Variants in RIT2 observed in about 807,000 individuals in gnomAD.
The protein encoded by RIT2 is GTP-binding protein Rit2.
RIT2 carries 24 observed loss-of-function variants against 23.7 expected under a neutral mutation model. The observed-to-expected ratio is 1.01, with a 90% confidence interval of 0.73 to 1.43. RIT2 has a LOEUF of 1.43. RIT2 is among the 40% of genes most tolerant of loss of function. RIT2 has a pLI of 0.00. For synonymous variants in RIT2, 107 were observed against 91.1 expected (o/e 1.17, Z -0.99); for missense variants, 236 against 266.9 (o/e 0.88, Z 0.81).
At chr18:43,000,479 T>A (rs1911078207) in intron 2 of RIT2, among the ~76,000 whole-genome samples, 1 of 152,032 alleles carries the variant, frequency 6.6e-6, no homozygotes, top group Admixed American at 6.6e-5. Flanking sequence ...ATGGACAGGA[T>A]GAAGAGATTT....
At chr18:42,810,212 G>C (rs1011243719) in intron 4 of RIT2, among the ~76,000 whole-genome samples, 18 of 151,148 alleles carry the variant, frequency 1.2e-4, no homozygotes, top group Admixed American at 1.2e-3. Flanking sequence ...GAGGTGTTTT[G>C]GGGCTGTATT....
chr18:42,901,377 T>G (rs1908472246), intron 4 of RIT2, among the ~76,000 whole-genome samples: 1 of 151,986 alleles, frequency 6.6e-6, no homozygotes, highest in Admixed American at 6.6e-5. Flanking sequence ...AAACCACAGT[T>G]ATTCAGACTT....
At chr18:43,079,865 T>C (rs1204784522) in intron 1 of RIT2, among the ~76,000 whole-genome samples, 2 of 152,176 alleles carry the variant, frequency 1.3e-5, no homozygotes, top group Non-Finnish European at 2.9e-5. Context: ...AATTTGAATA[T>C]GAAAAAGGCA....
intron 4 of RIT2, among the ~76,000 whole-genome samples, chr18:42,746,021 G>A (rs1169751003): frequency 6.6e-6 from 1 of 152,010 alleles, no homozygotes; most frequent in Non-Finnish European, 1.5e-5. Flanking sequence ...CAGCTAAGGA[G>A]TAGATTTTTG....
intron 1 of RIT2, among the ~76,000 whole-genome samples, chr18:43,089,189 A>C (rs1282156602): frequency 6.6e-6 from 1 of 152,132 alleles, no homozygotes; most frequent in Non-Finnish European, 1.5e-5. Context: ...CTATATCTAG[A>C]AAACCCTATA....
At chr18:42,882,666 G>A (rs1484861265) in intron 4 of RIT2, among the ~76,000 whole-genome samples, 1 of 152,118 alleles carries the variant, frequency 6.6e-6, no homozygotes, top group Non-Finnish European at 1.5e-5. Context: ...GTTTGATATG[G>A]GTCAATCAGT....
At chr18:42,966,022 G>A (rs1006252896) in intron 3 of RIT2, among the ~76,000 whole-genome samples, 6 of 152,044 alleles carry the variant, frequency 3.9e-5, no homozygotes, top group African/African-American at 1.4e-4. Flanking sequence ...CCTTGGATAA[G>A]CCACTTAACC....
At chr18:42,986,206 A>C (rs2144220711) in intron 2 of RIT2, among the ~76,000 whole-genome samples, 1 of 151,876 alleles carries the variant, frequency 6.6e-6, no homozygotes, top group Non-Finnish European at 1.5e-5. Context: ...CGCCTGGCTA[A>C]TTTTTGTAAT....
intron 4 of RIT2, among the ~76,000 whole-genome samples, chr18:42,778,739 A>G (rs1913738553): frequency 6.6e-6 from 1 of 152,092 alleles, no homozygotes; most frequent in African/African-American, 2.4e-5. Flanking sequence ...AACATTCCAA[A>G]TGTCTATATC....
In RIT2 at chr18:42,750,806, T is replaced by C. The variant is rs983770738; in HGVS notation, c.427-7086A>G. Among the ~76,000 whole-genome samples, 4 of 149,094 alleles carry C rather than the reference T, an allele frequency of 2.7e-5. No individual in the cohort carries two copies. In the Admixed American group the frequency reaches 2.7e-4, roughly 10 times the overall value. On this transcript the variant is annotated intron_variant, in intron 4 of 4. Coordinates refer to ENST00000326695, the MANE Select transcript of RIT2 (RefSeq NM_002930.4). ...TAATAAATCATTTCAAATTAGCGTA[T>C]AATTTCAATGAAAATATATTCAAAC...
intron 4 of RIT2, among the ~76,000 whole-genome samples, chr18:42,851,449 A>C (rs1907051770): frequency 2.0e-5 from 3 of 152,242 alleles, no homozygotes; most frequent in African/African-American, 7.2e-5. Context: ...TTCTCAAAAC[A>C]TGTGCTCAAT....
At chr18:42,821,949 A>G (rs1906164060) in intron 4 of RIT2, among the ~76,000 whole-genome samples, 1 of 152,172 alleles carries the variant, frequency 6.6e-6, no homozygotes, top group African/African-American at 2.4e-5. Flanking sequence ...AAAATACAGG[A>G]ACTTAAAATG....
At chr18:43,046,462 C>T (rs1263163200) in intron 1 of RIT2, among the ~76,000 whole-genome samples, 2 of 152,168 alleles carry the variant, frequency 1.3e-5, no homozygotes, top group African/African-American at 2.4e-5. Context: ...AAACATGCTT[C>T]GGCTCCACAC....
intron 4 of RIT2, among the ~76,000 whole-genome samples, chr18:42,894,059 CA>C (rs1908255935): frequency 1.3e-5 from 2 of 152,328 alleles, no homozygotes; most frequent in Admixed American, 1.3e-4. Context: ...TTGTCTATGT[CA>C]GAACGCTGAT....
At chr18:42,821,918 A>G (rs988203971) in intron 4 of RIT2, among the ~76,000 whole-genome samples, 1 of 152,186 alleles carries the variant, frequency 6.6e-6, no homozygotes, top group Non-Finnish European at 1.5e-5. Flanking sequence ...TAAAGTAGAA[A>G]CTAGGTAACT....
chr18:42,986,043 T>C (rs1598738864), intron 2 of RIT2, among the ~76,000 whole-genome samples: 1 of 135,756 alleles, frequency 7.4e-6, no homozygotes, highest in Non-Finnish European at 1.6e-5. Context: ...TTTTCTTTTC[T>C]TTTTTTTTTT....
intron 2 of RIT2, among the ~76,000 whole-genome samples, chr18:43,025,845 G>A (rs558965686): frequency 2.6e-5 from 4 of 152,090 alleles, no homozygotes; most frequent in South Asian, 2.1e-4. Context: ...GGATGGTCGG[G>A]GGGTGTGAGG....
intron 4 of RIT2, among the ~76,000 whole-genome samples, chr18:42,759,362 C>T (rs773341368): frequency 3.3e-5 from 5 of 151,974 alleles, no homozygotes; most frequent in African/African-American, 4.8e-5. Context: ...CTCCAAATTC[C>T]ATCTTATATG....
intron 4 of RIT2, among the ~76,000 whole-genome samples, chr18:42,797,831 T>C (rs1905418003): frequency 6.6e-6 from 1 of 152,154 alleles, no homozygotes; most frequent in African/African-American, 2.4e-5. Context: ...CAAATTTAAA[T>C]GTTTTAGAAA....
Sources: allele counts gnomAD v4.1 joint callset (sites outside exome capture counted in the v4.1 genomes callset), GRCh38; gene constraint gnomAD v4.1.1; transcripts MANE v1.5; gene names NCBI Gene and HGNC (gene_info 2026-07-23, HGNC 2026-07-21).